Variants in ATE1 observed in about 807,000 individuals in gnomAD.
ATE1 encodes arginyl-tRNA--protein transferase 1.
In ATE1, 36 loss-of-function variants were observed where a neutral mutation model predicts 70.5. That is an observed-to-expected ratio of 0.51 (90% CI 0.39 to 0.67). The LOEUF (loss-of-function observed/expected upper bound fraction) is 0.67. Ranked by LOEUF, ATE1 falls within the 30% of genes least tolerant of loss-of-function variation. The pLI, the probability that ATE1 is intolerant of heterozygous loss-of-function variation, is 0.00. For synonymous variants in ATE1, 232 were observed against 219.3 expected, an observed-to-expected ratio of 1.06 and a Z score of -0.51; for missense variants, 593 against 629.5, an observed-to-expected ratio of 0.94 and a Z score of 0.62.
chr10:121,746,621 C>T (rs1286979774), intron 11 of ATE1, among the ~76,000 whole-genome samples: 2 of 152,112 alleles, frequency 1.3e-5, no homozygotes, highest in Admixed American at 6.5e-5. Context: ...AAGCCCAAAG[C>T]CCAAAGCCAA....
Position 121,743,760 on chromosome 10 carries a change from T to C in ATE1, c.1477A>G (p.Ser493Gly). ...GVYKKQQKDP[S>G]EEAAVLQYAS... ...TACTGCAGAACAGCAGCCTCCTCAC[T>C]TGGGTCTTTCTGCTGTTTCTTATAA... is the stretch of plus-strand genomic sequence containing the variant. The change falls in exon 12 of 12, where the codon AGT (serine) becomes GGT (glycine). Residue 493 changes from serine to glycine, a missense_variant. Coordinates refer to ENST00000224652, the MANE Select transcript of ATE1 (RefSeq NM_001001976.3). 3 of 1,614,120 alleles carry C rather than the reference T, an allele frequency of 1.9e-6. No individual in the cohort carries two copies. Among genetic ancestry groups the C allele is most frequent in the Non-Finnish European group, 1.7e-6 (2 of 1,180,014 alleles).
At chr10:121,808,552 T>C (rs760066204) in intron 10 of ATE1, among the ~76,000 whole-genome samples, 19 of 152,196 alleles carry the variant, frequency 1.2e-4, no homozygotes, top group Non-Finnish European at 2.4e-4. Context: ...TATGCAAAGA[T>C]TAAAGGTTGT....
At chr10:121,819,500 C>T (rs375634573) in intron 10 of ATE1, among the ~76,000 whole-genome samples, 10 of 151,514 alleles carry the variant, frequency 6.6e-5, no homozygotes, top group African/African-American at 2.2e-4. Context: ...GTCAGGAGAT[C>T]GAGACCATCC....
chr10:121,845,450 CA>C (rs1948781977), intron 8 of ATE1, among the ~76,000 whole-genome samples: 2 of 152,176 alleles, frequency 1.3e-5, no homozygotes, highest in South Asian at 4.1e-4. Flanking sequence ...GGAAGAAACA[CA>C]AGCTGTGACA....
At chr10:121,851,179 G>A (rs184992797) in intron 8 of ATE1, among the ~76,000 whole-genome samples, 2 of 148,448 alleles carry the variant, frequency 1.3e-5, no homozygotes, top group Non-Finnish European at 3.0e-5. Flanking sequence ...TCTGCACTTT[G>A]GAGGCTGCGG....
At chr10:121,868,427 T>C (rs914546885) in intron 8 of ATE1, among the ~76,000 whole-genome samples, 1 of 152,226 alleles carries the variant, frequency 6.6e-6, no homozygotes, top group Non-Finnish European at 1.5e-5. Context: ...TCACTCTTTG[T>C]TTTTTGATAC....
intron 8 of ATE1, among the ~76,000 whole-genome samples, chr10:121,843,068 AAAAC>A (rs1234446206): frequency 6.6e-6 from 1 of 152,178 alleles, no homozygotes; most frequent in Non-Finnish European, 1.5e-5. Context: ...GAGGTAGGTT[AAAAC>A]AAACAAACAA....
At chr10:121,819,527 AC>A (rs1947697102) in intron 10 of ATE1, among the ~76,000 whole-genome samples, 2 of 151,598 alleles carry the variant, frequency 1.3e-5, no homozygotes, top group South Asian at 4.2e-4. Context: ...ACATGGTGAA[AC>A]CCCGTCTCTA....
intron 8 of ATE1, among the ~76,000 whole-genome samples, chr10:121,859,855 T>A (rs1949406361): frequency 6.6e-6 from 1 of 152,082 alleles, no homozygotes. Context: ...GGCAGGAGAA[T>A]CGCTTGAACC....
chr10:121,904,497 C>T (rs955156365), intron 5 of ATE1, among the ~76,000 whole-genome samples: 2 of 151,146 alleles, frequency 1.3e-5, no homozygotes, highest in African/African-American at 4.8e-5. Flanking sequence ...AAAAATGAAG[C>T]AGGCATGGTG....
intron 11 of ATE1, 141 bp downstream of exon 11, chr10:121,790,028 T>TTACACA (rs1468922913): frequency 2.8e-6 from 1 of 352,562 alleles, no homozygotes; most frequent in African/African-American, 5.2e-5. Context: ...TTCCTCTATC[T>TTACACA]TACACACACA....
intron 10 of ATE1, among the ~76,000 whole-genome samples, chr10:121,800,352 G>A (rs1208198777): frequency 3.9e-5 from 6 of 152,128 alleles, no homozygotes; most frequent in South Asian, 2.1e-4. Context: ...GGGCTTGGCC[G>A]ATTGCAATAA....
chr10:121,833,497 G>A (rs111467794), intron 10 of ATE1, among the ~76,000 whole-genome samples: 5 of 152,308 alleles, frequency 3.3e-5, no homozygotes, highest in African/African-American at 1.2e-4. Flanking sequence ...ACAGGAGATA[G>A]ACTAGTTCTG....
chr10:121,861,749 TAAA>T (rs5788519), intron 8 of ATE1, among the ~76,000 whole-genome samples: 67 of 147,980 alleles, frequency 4.5e-4, no homozygotes, highest in East Asian at 3.0e-3. Flanking sequence ...TAAAGTATAA[TAAA>T]AAAAAAAAAA....
Position 121,757,563 on chromosome 10 carries a change from C to T in ATE1, c.1379-13705G>A, listed in dbSNP as rs142224911. ...TACAGTTCCACATGACTGGGGAAGC[C>T]TCACAATCATGGTGGAAGGCAAGGA... On this transcript the variant is annotated intron_variant, in intron 11 of 11. Coordinates refer to ENST00000224652, the MANE Select transcript of ATE1 (RefSeq NM_001001976.3). Among the ~76,000 whole-genome samples, 154 of 152,292 alleles carry T rather than the reference C, an allele frequency of 1.0e-3. 1 individual carries two copies. The highest frequency in any genetic ancestry group is 3.5e-3 in the African/African-American group (147 of 41,560).
At chr10:121,905,828 A>C (rs1177431876) in intron 5 of ATE1, among the ~76,000 whole-genome samples, 1 of 147,090 alleles carries the variant, frequency 6.8e-6, no homozygotes, top group African/African-American at 2.5e-5. Context: ...CCTAAGCAAC[A>C]CAGCGAGACT....
At chr10:121,835,417 A>T (rs1378727359) in intron 10 of ATE1, among the ~76,000 whole-genome samples, 2 of 146,964 alleles carry the variant, frequency 1.4e-5, no homozygotes, top group Non-Finnish European at 3.0e-5. Flanking sequence ...TGGAAATATA[A>T]TCATCCCCAA....
chr10:121,822,696 AT>A (rs1187057502), intron 10 of ATE1, among the ~76,000 whole-genome samples: 1 of 151,918 alleles, frequency 6.6e-6, no homozygotes, highest in African/African-American at 2.4e-5. Context: ...ACTTTCCTTC[AT>A]TTTTTCATTT....
Position 121,847,362 on chromosome 10 carries a change from C to T in ATE1, c.976-6099G>A, listed in dbSNP as rs550912246. ...ACTCAGGAGGCTGATGCAGGAGAATCGCTTGAACCCGGGAGGCGGAGGTTG... is the reference window on the plus strand; with the variant it reads ...ACTCAGGAGGCTGATGCAGGAGAATTGCTTGAACCCGGGAGGCGGAGGTTG... On this transcript the variant is annotated intron_variant, in intron 8 of 11. Transcript: ENST00000224652. Among the ~76,000 whole-genome samples the T allele has an allele frequency of 1.5e-4, 23 of 151,962 alleles. No individual in the cohort carries two copies. The East Asian group carries it at 4.1e-3, about 27-fold the overall frequency.
Sources: allele counts gnomAD v4.1 joint callset (sites outside exome capture counted in the v4.1 genomes callset), GRCh38; gene constraint gnomAD v4.1.1; transcripts MANE v1.5; gene names NCBI Gene and HGNC (gene_info 2026-07-23, HGNC 2026-07-21).